Variants in PLCB4 observed in about 807,000 individuals in gnomAD.
The protein encoded by PLCB4 is phospholipase C beta 4.
PLCB4 carries 77 observed loss-of-function variants against 178.8 expected under a neutral mutation model. The ratio of observed to expected loss-of-function variants is 0.43; its 90% CI spans 0.36 to 0.52. The LOEUF (loss-of-function observed/expected upper bound fraction) is 0.52. PLCB4 is among the 20% of genes least tolerant of loss of function. PLCB4 has a pLI of 0.00. For synonymous variants in PLCB4, 496 were observed against 490.8 expected (o/e 1.01, Z -0.14); for missense variants, 1,024 against 1,453.4 (o/e 0.70, Z 4.80).
intron 2 of PLCB4, among the ~76,000 whole-genome samples, chr20:9,139,634 G>A (rs536403250): frequency 3.3e-5 from 5 of 152,200 alleles, no homozygotes; most frequent in Admixed American, 2.6e-4. Flanking sequence ...TGTCAAAGCA[G>A]TCACAGGGCC....
intron 4 of PLCB4, among the ~76,000 whole-genome samples, chr20:9,316,095 A>G (rs79073760): frequency 0.013 from 2,028 of 152,258 alleles, 39 homozygotes; most frequent in African/African-American, 0.047. Context: ...TGGTCAGGGC[A>G]TGGTAAGAGG....
intron 3 of PLCB4, among the ~76,000 whole-genome samples, chr20:9,225,469 A>G (rs992910525): frequency 3.9e-5 from 6 of 152,222 alleles, no homozygotes; most frequent in Non-Finnish European, 8.8e-5. Flanking sequence ...GAGTCTAGAA[A>G]AATAGTCTAA....
chr20:9,363,942 T>TTA, intron 8 of PLCB4, among the ~76,000 whole-genome samples: 1 of 152,222 alleles, frequency 6.6e-6, no homozygotes, highest in South Asian at 2.1e-4. Flanking sequence ...AGGTGTGGTC[T>TTA]CTAGGCTATA....
At chr20:9,367,010 T>C (rs1301463791) in intron 9 of PLCB4, among the ~76,000 whole-genome samples, 1 of 152,234 alleles carries the variant, frequency 6.6e-6, no homozygotes, top group South Asian at 2.1e-4. Flanking sequence ...GTGCTGTGGC[T>C]CCTGGCATTT....
chr20:9,243,441 G>A (rs985140490), intron 3 of PLCB4, among the ~76,000 whole-genome samples: 1 of 152,182 alleles, frequency 6.6e-6, no homozygotes, highest in African/African-American at 2.4e-5. Context: ...ATTCTCAAAG[G>A]AGGTCAGATC....
chr20:9,154,347 C>G (rs1458208549), intron 2 of PLCB4, among the ~76,000 whole-genome samples: 1 of 152,110 alleles, frequency 6.6e-6, no homozygotes, highest in Non-Finnish European at 1.5e-5. Context: ...AAAATTGGGG[C>G]TCTCTTACTG....
chr20:9,194,735 T>G (rs1408760585), intron 2 of PLCB4, among the ~76,000 whole-genome samples: 2 of 151,830 alleles, frequency 1.3e-5, no homozygotes, highest in African/African-American at 4.8e-5. Flanking sequence ...TTTAATTTCC[T>G]TACTTCAACC....
chr20:9,434,508 TG>T (rs1235037544), intron 28 of PLCB4, among the ~76,000 whole-genome samples: 2 of 152,160 alleles, frequency 1.3e-5, no homozygotes, highest in Non-Finnish European at 2.9e-5. Context: ...CTCAAGTAGC[TG>T]AGATTACAGG....
At chr20:9,401,136 C>T (rs1318138283) in intron 19 of PLCB4, among the ~76,000 whole-genome samples, 1 of 152,136 alleles carries the variant, frequency 6.6e-6, no homozygotes. Flanking sequence ...GATCAAAACA[C>T]CTTTTTATGA....
chr20:9,128,171 C>T (rs1316983831), intron 2 of PLCB4, among the ~76,000 whole-genome samples: 1 of 152,024 alleles, frequency 6.6e-6, no homozygotes, highest in Non-Finnish European at 1.5e-5. Context: ...TACATGAGAT[C>T]CGGTTGTTTA....
chr20:9,339,177 T>C, intron 7 of PLCB4, 140 bp downstream of exon 7: 1 of 720,890 alleles, frequency 1.4e-6, no homozygotes, highest in Non-Finnish European at 2.2e-6. Context: ...CATGTTTCTG[T>C]AGAAAATCAG....
intron 2 of PLCB4, among the ~76,000 whole-genome samples, chr20:9,138,504 A>G (rs2146855663): frequency 6.6e-6 from 1 of 152,220 alleles, no homozygotes; most frequent in East Asian, 1.9e-4. Flanking sequence ...GAGAAGACCC[A>G]CTGGTATCTT....
chr20:9,146,170 G>A (rs941969068), intron 2 of PLCB4, among the ~76,000 whole-genome samples: 7 of 152,050 alleles, frequency 4.6e-5, no homozygotes, highest in African/African-American at 1.7e-4. Context: ...GCCCCAGCCA[G>A]CATCAAAACT....
intron 2 of PLCB4, among the ~76,000 whole-genome samples, chr20:9,099,578 A>G (rs1379842904): frequency 1.3e-5 from 2 of 152,062 alleles, no homozygotes; most frequent in African/African-American, 4.8e-5. Context: ...TATCATCATC[A>G]TAGAAAGTTT....
At chr20:9,225,923 G>T (rs1291566928) in intron 3 of PLCB4, among the ~76,000 whole-genome samples, 2 of 152,218 alleles carry the variant, frequency 1.3e-5, no homozygotes, top group Non-Finnish European at 2.9e-5. Flanking sequence ...TGTCTTTGCT[G>T]TCCTCAGGTG....
At chr20:9,408,263 C>T (rs1302678774) in intron 22 of PLCB4, among the ~76,000 whole-genome samples, 2 of 152,096 alleles carry the variant, frequency 1.3e-5, no homozygotes, top group Non-Finnish European at 2.9e-5. Context: ...CACAAGGTGG[C>T]GATGAGAGAC....
intron 2 of PLCB4, among the ~76,000 whole-genome samples, chr20:9,123,684 C>G (rs946033666): frequency 2.0e-5 from 3 of 151,924 alleles, no homozygotes; most frequent in Non-Finnish European, 2.9e-5. Context: ...TTCACCCAAA[C>G]TTTTACAAAG....
In PLCB4 at chr20:9,479,822, T is replaced by A. The variant is rs1318983804; in HGVS notation, c.*813T>A. The A allele has an allele frequency of 1.3e-5, 2 of 152,608 alleles. No homozygotes were observed. Among genetic ancestry groups the A allele is most frequent in the Non-Finnish European group, 2.9e-5 (2 of 68,042 alleles). The allele number at this position is 152,608 out of a possible 1,614,324, so 9.5% of individuals were successfully genotyped here. On this transcript the variant is annotated 3_prime_UTR_variant, in exon 40 of 40. Transcript: ENST00000378473. The stretch of plus-strand genomic sequence containing the variant: ...CACACTGTTAGAGAGCAAAATCATC[T>A]AAGTATTGCCACATGACAAGATTAG...
chr20:9,389,060 G>A (rs941096223), intron 15 of PLCB4, among the ~76,000 whole-genome samples: 3 of 152,070 alleles, frequency 2.0e-5, no homozygotes, highest in African/African-American at 7.2e-5. Context: ...AAGAATTTGG[G>A]GATTTTTACC....
Sources: allele counts gnomAD v4.1 joint callset (sites outside exome capture counted in the v4.1 genomes callset), GRCh38; gene constraint gnomAD v4.1.1; transcripts MANE v1.5; gene names NCBI Gene and HGNC (gene_info 2026-07-23, HGNC 2026-07-21).